Variants in SLC25A17 observed in about 807,000 individuals in gnomAD.
SLC25A17 encodes the protein peroxisomal membrane protein PMP34.
SLC25A17 carries 26 observed loss-of-function variants against 38.5 expected under a neutral mutation model. That is an observed-to-expected ratio of 0.68 (90% CI 0.50 to 0.94). The LOEUF (loss-of-function observed/expected upper bound fraction) is 0.94. Among genes scored for constraint, SLC25A17 ranks in the 40% least tolerant of loss-of-function variants. The pLI is 0.00. For synonymous variants in SLC25A17, 139 were observed against 136.2 expected (o/e 1.02, Z -0.14); for missense variants, 333 against 372.7 (o/e 0.89, Z 0.88).
chr22:40,808,194 G>A (rs1178369432), intron 1 of SLC25A17, among the ~76,000 whole-genome samples: 1 of 152,148 alleles, frequency 6.6e-6, no homozygotes, highest in African/African-American at 2.4e-5. Flanking sequence ...TATTTCCCAA[G>A]AGACACCCTT....
At chr22:40,804,307 C>T (rs545873406) in intron 1 of SLC25A17, among the ~76,000 whole-genome samples, 2 of 152,130 alleles carry the variant, frequency 1.3e-5, no homozygotes, top group African/African-American at 4.8e-5. Flanking sequence ...GTACTTGGGG[C>T]TCGCTGGTAC....
At position 40,779,027 on chromosome 22, in the gene SLC25A17, T is replaced by C; in HGVS notation, c.433A>G (p.Asn145Asp). 1 of 1,613,874 alleles carries C rather than the reference T, an allele frequency of 6.2e-7. No individual in the cohort carries two copies. Among genetic ancestry groups the C allele is most frequent in the Non-Finnish European group, 8.5e-7 (1 of 1,179,758 alleles). Reference sequence around the variant, plus strand: ...TACTTACCAATGATACCTTTGTAGTTTGTTGGTACAATGTCTTCATTCCTA... The same window carrying C: ...TACTTACCAATGATACCTTTGTAGTCTGTTGGTACAATGTCTTCATTCCTA... ...KFRNEDIVPT[N>D]YKGIIDAFHQ... The change falls in exon 5 of 9, where the codon AAC becomes GAC. Residue 145 changes from asparagine (N) to aspartate (D), a missense_variant. Transcript: ENST00000435456.
chr22:40,811,809 C>A (rs1168473798), intron 1 of SLC25A17, among the ~76,000 whole-genome samples: 1 of 152,096 alleles, frequency 6.6e-6, no homozygotes, highest in African/African-American at 2.4e-5. Context: ...CCCCCATGAC[C>A]CAAACACCTC....
At chr22:40,780,142 T>G (rs1287940781) in intron 4 of SLC25A17, 1 of 152,208 alleles carries the variant, frequency 6.6e-6, no homozygotes, top group Non-Finnish European at 1.5e-5. Context: ...AGTTTTGATT[T>G]AAGGTATCTC....
At chr22:40,777,647 C>T (rs1340482707) in intron 5 of SLC25A17, among the ~76,000 whole-genome samples, 2 of 151,984 alleles carry the variant, frequency 1.3e-5, no homozygotes, top group East Asian at 1.9e-4. Context: ...CTAGGTGTGG[C>T]GGTGCATACC....
At chr22:40,816,446 C>T (rs527748458) in intron 1 of SLC25A17, among the ~76,000 whole-genome samples, 10 of 152,164 alleles carry the variant, frequency 6.6e-5, no homozygotes, top group African/African-American at 1.9e-4. Context: ...TGATTTCACA[C>T]GACCATGGCA....
At chr22:40,807,415 C>T (rs2057539836) in intron 1 of SLC25A17, among the ~76,000 whole-genome samples, 1 of 152,104 alleles carries the variant, frequency 6.6e-6, no homozygotes, top group Non-Finnish European at 1.5e-5. Flanking sequence ...AACTCACGCT[C>T]TTACTATAAT....
At chr22:40,778,423 C>T (rs994783654) in intron 5 of SLC25A17, among the ~76,000 whole-genome samples, 3 of 152,084 alleles carry the variant, frequency 2.0e-5, no homozygotes, top group African/African-American at 7.2e-5. Context: ...TCATGCTGGT[C>T]CCAGAAAGAG....
At chr22:40,807,659 G>C (rs1050743859) in intron 1 of SLC25A17, among the ~76,000 whole-genome samples, 14 of 152,230 alleles carry the variant, frequency 9.2e-5, no homozygotes, top group African/African-American at 2.9e-4. Context: ...TGAGGCAAGA[G>C]AATAGCATGA....
intron 1 of SLC25A17, among the ~76,000 whole-genome samples, chr22:40,816,941 A>T (rs1385666328): frequency 2.0e-5 from 3 of 152,060 alleles, no homozygotes; most frequent in Non-Finnish European, 2.9e-5. Flanking sequence ...CCCCTATTGC[A>T]ATGCATAGTT....
chr22:40,780,343 T>C (rs1355748619), intron 4 of SLC25A17: 3 of 152,244 alleles, frequency 2.0e-5, no homozygotes, highest in Admixed American at 6.5e-5. Context: ...TCAGTCGTAT[T>C]TGTTATATTT....
At chr22:40,794,861 T>C (rs896291263) in intron 2 of SLC25A17, among the ~76,000 whole-genome samples, 1 of 152,064 alleles carries the variant, frequency 6.6e-6, no homozygotes, top group African/African-American at 2.4e-5. Flanking sequence ...TCAAGTGATC[T>C]GCCCACCTCG....
At chr22:40,801,130 TATATATATATA>T (rs1569410143) in intron 1 of SLC25A17, among the ~76,000 whole-genome samples, 5 of 19,374 alleles carry the variant, frequency 2.6e-4, no homozygotes, top group African/African-American at 1.0e-3. Context: ...ATATATTACA[TATATATATATA>T]TATATATATA....
At chr22:40,816,145 C>T (rs1392813633) in intron 1 of SLC25A17, among the ~76,000 whole-genome samples, 4 of 149,606 alleles carry the variant, frequency 2.7e-5, no homozygotes, top group Non-Finnish European at 5.9e-5. Context: ...GCCGAGATTG[C>T]ATCACTGCAC....
chr22:40,782,284 T>TC (rs2057302287), intron 4 of SLC25A17, among the ~76,000 whole-genome samples: 1 of 152,184 alleles, frequency 6.6e-6, no homozygotes, highest in South Asian at 2.1e-4. Context: ...GGATGCTACT[T>TC]CCGCTCTAAA....
intron 1 of SLC25A17, among the ~76,000 whole-genome samples, chr22:40,807,989 A>AC (rs1812942081): frequency 6.6e-6 from 1 of 151,994 alleles, no homozygotes; most frequent in African/African-American, 2.4e-5. Flanking sequence ...ATAAACACTC[A>AC]TTTTTTTCCC....
At chr22:40,814,920 T>TGA in intron 1 of SLC25A17, among the ~76,000 whole-genome samples, 1 of 151,740 alleles carries the variant, frequency 6.6e-6, no homozygotes, top group Non-Finnish European at 1.5e-5. Flanking sequence ...CCCGGGTTCA[T>TGA]GCCGTTCTCC....
At position 40,792,670 on chromosome 22, in the gene SLC25A17, T is replaced by A; in HGVS notation, c.189A>T (p.Ala63=). Residue 63 remains alanine, a synonymous_variant, in exon 4 of 9, where the codon GCA becomes GCT. Transcript: ENST00000435456. ...TCACTGGAAACCACCCTCGATATGG[T>A]GCCAGGCTAGGGGAAAAACACAATA... ...LEIIKEEGLL[A]PYRGWFPVIS... is the part of the protein sequence containing the mutation. 1 of 1,613,970 alleles carries A rather than the reference T, an allele frequency of 6.2e-7. No individual in the cohort carries two copies. The highest frequency in any genetic ancestry group is 8.5e-7 in the Non-Finnish European group (1 of 1,179,928).
At chr22:40,772,499 C>T (rs965824179) in intron 8 of SLC25A17, among the ~76,000 whole-genome samples, 3 of 152,078 alleles carry the variant, frequency 2.0e-5, no homozygotes, top group African/African-American at 4.8e-5. Flanking sequence ...GACGGGGTCT[C>T]ACTATGTTGC....
Sources: gnomAD v4.1 joint callset for allele counts (sites outside exome capture counted in the v4.1 genomes callset) on GRCh38, gnomAD v4.1.1 for gene constraint, MANE v1.5 for transcripts, NCBI Gene and HGNC (gene_info 2026-07-23, HGNC 2026-07-21) for gene names.